The following CELSR1 variants were observed in gnomAD, a reference collection of about 807,000 sequenced individuals.
CELSR1 encodes cadherin EGF LAG seven-pass G-type receptor 1, also known as adhesion G protein-coupled receptor C1.
In CELSR1, 110 loss-of-function variants were observed where a neutral mutation model predicts 249.1. That is an observed-to-expected ratio of 0.44 (90% CI 0.38 to 0.52). The LOEUF (loss-of-function observed/expected upper bound fraction) is 0.52, where lower values mean the gene tolerates loss of function less well. Ranked by LOEUF, CELSR1 falls within the 20% of genes least tolerant of loss-of-function variation. CELSR1 has a pLI of 0.00. For missense variants in CELSR1, 4,109 were observed against 4,296.4 expected, an observed-to-expected ratio of 0.96 and a Z score of 1.22; for synonymous variants, 2,113 against 1,900.0, an observed-to-expected ratio of 1.11 and a Z score of -2.92.
chr22:46,458,397 G>A (rs2079981619), intron 2 of CELSR1, among the ~76,000 whole-genome samples: 1 of 152,236 alleles, frequency 6.6e-6, no homozygotes, highest in African/African-American at 2.4e-5. Context: ...GGCAGGACGA[G>A]GGTGGCAGGG....
In CELSR1 at chr22:46,534,977, G is replaced by A. The variant is rs763662565; in HGVS notation, c.2194C>T (p.Arg732Cys). The A allele has an allele frequency of 1.9e-6, 3 of 1,611,976 alleles. No individual in the cohort carries two copies. The highest frequency in any genetic ancestry group is 1.7e-4 in the Middle Eastern group (1 of 6,060). ...CCTCTCTGGCTGCTGAGTGCAAAGC[G>A]GTTCCGGGTGTTGCCGCCTGTGAGC... ...YQLTGGNTRNRFALSSQRGGG... is the reference protein window; with the variant it reads ...YQLTGGNTRNCFALSSQRGGG... The change falls in exon 1 of 35, where the codon CGC becomes TGC. Residue 732 changes from arginine to cysteine, a missense_variant. Arg to Cys is a radical substitution (Grantham distance 180, BLOSUM62 -3). Transcript: ENST00000674500. This position sits in a 1 kb window ranked among gnomAD's most constrained non-coding sequence, Gnocchi z 9.7.
In CELSR1 at chr22:46,381,743, A is replaced by T; in HGVS notation, c.7088+103T>A. Reference sequence around the variant, plus strand: ...TGGGCCAGGGTCACGGTGAAATGTCACTGTGAAGACCTGTGCTTGATCAGG... The same window carrying T: ...TGGGCCAGGGTCACGGTGAAATGTCTCTGTGAAGACCTGTGCTTGATCAGG... On this transcript the variant is annotated intron_variant, in intron 21 of 34. Transcript: ENST00000674500. The surrounding 1 kb of genome is among the most constrained non-coding windows in gnomAD (Gnocchi z 6.0). The T allele has an allele frequency of 9.3e-7, 1 of 1,074,598 alleles. No homozygotes were observed. Among genetic ancestry groups the T allele is most frequent in the Non-Finnish European group, 1.3e-6 (1 of 758,568 alleles). The allele number at this position is 1,074,598 out of a possible 1,614,324, so 66.6% of individuals were successfully genotyped here.
At chr22:46,394,732 G>T (rs778938299) in intron 13 of CELSR1, among the ~76,000 whole-genome samples, 30 of 152,322 alleles carry the variant, frequency 2.0e-4, no homozygotes, top group Non-Finnish European at 3.4e-4. Context: ...CAGACCCACA[G>T]ATGCTCAGGG....
intron 29 of CELSR1, 119 bp downstream of exon 29, chr22:46,366,874 C>A: frequency 7.2e-7 from 1 of 1,383,894 alleles, no homozygotes; most frequent in Non-Finnish European, 9.6e-7. Flanking sequence ...GGCGGCTCTG[C>A]CATCCCCACC....
At chr22:46,507,968 T>C (rs1276382026) in intron 1 of CELSR1, among the ~76,000 whole-genome samples, 1 of 152,166 alleles carries the variant, frequency 6.6e-6, no homozygotes, top group Non-Finnish European at 1.5e-5. Context: ...TCCCAGGCCG[T>C]AGGCTCCTAG....
intron 1 of CELSR1, among the ~76,000 whole-genome samples, chr22:46,491,015 C>T (rs151303975): frequency 5.5e-4 from 83 of 152,176 alleles, no homozygotes; most frequent in Middle Eastern, 6.8e-3. Context: ...AGTCAGGAGA[C>T]GCCTGCAAAT....
intron 5 of CELSR1, among the ~76,000 whole-genome samples, chr22:46,418,774 C>T (rs6008817): frequency 0.35 from 52,711 of 152,178 alleles, 12,925 homozygotes; most frequent in African/African-American, 0.7. Flanking sequence ...CAGAACCAAC[C>T]GGTCACCTAG....
intron 20 of CELSR1, 34 bp downstream of exon 20, chr22:46,384,508 TC>T: frequency 6.4e-7 from 1 of 1,556,188 alleles, no homozygotes; most frequent in African/African-American, 1.4e-5. Context: ...CGCTGGGGAC[TC>T]CGAGGGCAGC....
In CELSR1 at chr22:46,366,980, C is replaced by T. The variant is rs754452030; in HGVS notation, c.8205+13G>A. 36 of 1,606,066 alleles carry T rather than the reference C, an allele frequency of 2.2e-5. No individual in the cohort carries two copies. The highest frequency in any genetic ancestry group is 6.7e-5 in the East Asian group (3 of 44,768). Reference sequence around the variant, plus strand: ...CCAGCCCCCAGTCCCGCGGTGTCCCCGGCGCCTCCTACCGTCAGCAGGGTG... The same window carrying T: ...CCAGCCCCCAGTCCCGCGGTGTCCCTGGCGCCTCCTACCGTCAGCAGGGTG... On this transcript the variant is annotated intron_variant, in intron 29 of 34. Coordinates refer to ENST00000674500, the MANE Select transcript of CELSR1 (RefSeq NM_001378328.1).
intron 1 of CELSR1, among the ~76,000 whole-genome samples, chr22:46,528,158 G>A (rs566428099): frequency 3.2e-4 from 48 of 150,782 alleles, no homozygotes; most frequent in South Asian, 1.1e-3. Flanking sequence ...AGAAAAGCAC[G>A]CTGCCATGCA....
At chr22:46,463,054 G>C in intron 2 of CELSR1, 1 of 329,816 alleles carries the variant, frequency 3.0e-6, no homozygotes, top group South Asian at 2.3e-5. Context: ...TTTCACCTGA[G>C]GGCCACTTAA....
At position 46,409,907 on chromosome 22, in the gene CELSR1, C is replaced by T; in HGVS notation, c.4934-27G>A. 6.2e-7 allele frequency: 1 copy of T among 1,608,812 alleles called. No individual in the cohort carries two copies. Among genetic ancestry groups the T allele is most frequent in the Non-Finnish European group, 8.5e-7 (1 of 1,179,652 alleles). Reference sequence around the variant, plus strand: ...TGGCAACACAGAGCGTGCGGCAGAGCCTGACTCGGAGGAACCGCCCGGGGT... The same window carrying T: ...TGGCAACACAGAGCGTGCGGCAGAGTCTGACTCGGAGGAACCGCCCGGGGT... On this transcript the variant is annotated intron_variant, in intron 7 of 34. Transcript: ENST00000674500. This position sits in a 1 kb window ranked among gnomAD's most constrained non-coding sequence, Gnocchi z 9.8.
chr22:46,446,404 C>T lies in CELSR1; in HGVS notation c.4184-6993G>A, dbSNP rs2147500515. 6.6e-6 allele frequency among the ~76,000 whole-genome samples: 1 copy of T among 152,296 alleles called. No homozygotes were observed. Among genetic ancestry groups the T allele is most frequent in the East Asian group, 1.9e-4 (1 of 5,176 alleles). On this transcript the variant is annotated intron_variant, in intron 2 of 34. Coordinates refer to ENST00000674500, the MANE Select transcript of CELSR1 (RefSeq NM_001378328.1). This position sits in a 1 kb window ranked among gnomAD's most constrained non-coding sequence, Gnocchi z 5.5. Reference sequence around the variant, plus strand: ...CTCTCATGGACTCAAAATCTCCCCTCTCCAGCAATCGCCCCACCAGCTCCA... The same window carrying T: ...CTCTCATGGACTCAAAATCTCCCCTTTCCAGCAATCGCCCCACCAGCTCCA...
intron 24 of CELSR1, among the ~76,000 whole-genome samples, chr22:46,375,016 G>A (rs114475706): frequency 0.011 from 1,709 of 152,224 alleles, 41 homozygotes; most frequent in African/African-American, 0.039. Context: ...ACCACTGCTG[G>A]GAAGCCATGG....
At chr22:46,503,459 G>T (rs750387512) in intron 1 of CELSR1, among the ~76,000 whole-genome samples, 1 of 152,166 alleles carries the variant, frequency 6.6e-6, no homozygotes, top group Admixed American at 6.6e-5. Context: ...CCCTACAGCC[G>T]TCCCCACTGT....
intron 24 of CELSR1, 100 bp from the exon 25 acceptor site, chr22:46,373,157 AC>A: frequency 1.6e-6 from 2 of 1,268,826 alleles, no homozygotes; most frequent in Non-Finnish European, 2.1e-6. Context: ...CACAATTCGG[AC>A]CACCCTATGT....
At position 46,433,797 on chromosome 22, in the gene CELSR1, G is replaced by A. The variant is rs997774984; in HGVS notation, c.4523-316C>T. Among the ~76,000 whole-genome samples the A allele has an allele frequency of 2.0e-5, 3 of 152,176 alleles. No homozygotes were observed. The highest frequency in any genetic ancestry group is 4.8e-5 in the African/African-American group (2 of 41,438). ...CCTCCTGGGTTCAAGAGATTCTCCTGCCTCAGCCTCCTGAGTAGCTGGGAT... is the reference window on the plus strand; with the variant it reads ...CCTCCTGGGTTCAAGAGATTCTCCTACCTCAGCCTCCTGAGTAGCTGGGAT... On this transcript the variant is annotated intron_variant, in intron 4 of 34. Transcript: ENST00000674500. The surrounding 1 kb of genome is among the most constrained non-coding windows in gnomAD (Gnocchi z 5.7).
At position 46,386,593 on chromosome 22, in the gene CELSR1, G is replaced by GA; in HGVS notation, c.6556-9dup. 6.3e-7 allele frequency: 1 copy of GA among 1,583,012 alleles called. No individual in the cohort carries two copies. Among genetic ancestry groups the GA allele is most frequent in the Non-Finnish European group, 8.5e-7 (1 of 1,171,442 alleles). On this transcript the variant is annotated splice_polypyrimidine_tract_variant and intron_variant, in intron 18 of 34. Transcript: ENST00000674500. ...GCCCGAGTGGATGACGTCCTGGTCA[G>GA]ACAGACAGCACTCAGTACTCAGCCT...
intron 2 of CELSR1, among the ~76,000 whole-genome samples, chr22:46,451,528 G>A (rs2079884636): frequency 6.6e-6 from 1 of 152,224 alleles, no homozygotes; most frequent in Admixed American, 6.5e-5. Context: ...AAGGATGGGT[G>A]CATGTTTGAC....
Sources: gnomAD v4.1 joint callset for allele counts (sites outside exome capture counted in the v4.1 genomes callset) on GRCh38, gnomAD v4.1.1 for gene constraint, Gnocchi (gnomAD v3.1) non-coding constraint, MANE v1.5 for transcripts, NCBI Gene and HGNC (gene_info 2026-07-23, HGNC 2026-07-21) for gene names.